Variants in ERICH1 observed in about 807,000 individuals in gnomAD.
ERICH1 encodes glutamate rich 1.
In ERICH1, 56 loss-of-function variants were observed where a neutral mutation model predicts 39.6. That is an observed-to-expected ratio of 1.41 (90% CI 1.14 to 1.77). ERICH1 has a LOEUF of 1.77. Among genes scored for constraint, ERICH1 ranks in the 40% most tolerant of loss-of-function variants. The pLI, the probability that ERICH1 is intolerant of heterozygous loss-of-function variation, is 0.00. For missense variants in ERICH1, 826 were observed against 575.4 expected (o/e 1.44, Z -4.45); for synonymous variants, 313 against 223.6 (o/e 1.40, Z -3.57).
chr8:728,227 C>G (rs1192783607), intron 1 of ERICH1, among the ~76,000 whole-genome samples: 1 of 152,224 alleles, frequency 6.6e-6, no homozygotes, highest in Non-Finnish European at 1.5e-5. Context: ...AGCCCAACAG[C>G]AAGACTCCGC....
chr8:649,736 G>A (rs921081408), intron 3 of ERICH1, among the ~76,000 whole-genome samples: 18 of 152,108 alleles, frequency 1.2e-4, no homozygotes, highest in African/African-American at 2.9e-4. Flanking sequence ...GCCCCTGGCT[G>A]AGCAGTGTGA....
intron 1 of ERICH1, among the ~76,000 whole-genome samples, chr8:716,850 T>C (rs1289272129): frequency 6.6e-6 from 1 of 151,998 alleles, no homozygotes; most frequent in Non-Finnish European, 1.5e-5. Flanking sequence ...GGGTGGCTTC[T>C]AGGCGAGGCA....
chr8:693,233 G>A (rs1809337974), intron 2 of ERICH1, among the ~76,000 whole-genome samples: 1 of 151,750 alleles, frequency 6.6e-6, no homozygotes, highest in South Asian at 2.1e-4. Flanking sequence ...GACACACAGA[G>A]AGATACACAA....
At chr8:666,626 C>A (rs1802284114) in intron 5 of ERICH1, 1 of 152,482 alleles carries the variant, frequency 6.6e-6, no homozygotes, top group African/African-American at 2.4e-5. Context: ...CATCTGTACT[C>A]ACTGTCCCTG....
Position 678,747 on chromosome 8 carries a change from G to A in ERICH1, c.305-4700C>T, listed in dbSNP as rs537454346. Among the ~76,000 whole-genome samples the A allele has an allele frequency of 1.1e-4, 16 of 152,308 alleles. No homozygotes were observed. The South Asian group carries it at 3.3e-3, about 32-fold the overall frequency. On this transcript the variant is annotated intron_variant, in intron 3 of 5. Coordinates refer to ENST00000262109, the MANE Select transcript of ERICH1 (RefSeq NM_207332.3). ...CGCTTGAACCTGGGAGGCGGAGCTT[G>A]CAGTGAGCCCAGATTGCACCACTGC...
chr8:727,419 A>G (rs1298603508), intron 1 of ERICH1, among the ~76,000 whole-genome samples: 1 of 152,158 alleles, frequency 6.6e-6, no homozygotes, highest in African/African-American at 2.4e-5. Context: ...AAACCAGAAG[A>G]TGACAGGGAG....
At chr8:653,372 T>G (rs991430221) in intron 3 of ERICH1, among the ~76,000 whole-genome samples, 4 of 152,254 alleles carry the variant, frequency 2.6e-5, no homozygotes, top group Non-Finnish European at 5.9e-5. Flanking sequence ...CCTGTAATAG[T>G]GGCCGAGTCT....
intron 3 of ERICH1, among the ~76,000 whole-genome samples, chr8:649,894 T>C (rs754494169): frequency 1.8e-4 from 27 of 151,998 alleles, no homozygotes; most frequent in Non-Finnish European, 3.7e-4. Flanking sequence ...TGGCCCCAGG[T>C]TGGGAGGAGA....
At chr8:685,997 A>C (rs1328549554) in intron 3 of ERICH1, among the ~76,000 whole-genome samples, 1 of 151,434 alleles carries the variant, frequency 6.6e-6, no homozygotes, top group Non-Finnish European at 1.5e-5. Context: ...AATACCAAAA[A>C]AAAAAAAAAA....
At chr8:635,142 T>C (rs1798326645) in intron 3 of ERICH1, among the ~76,000 whole-genome samples, 1 of 151,150 alleles carries the variant, frequency 6.6e-6, no homozygotes. Flanking sequence ...CGTGGCCGCA[T>C]CTGCCTCTCC....
intron 2 of ERICH1, among the ~76,000 whole-genome samples, chr8:695,142 A>G (rs13340625): frequency 0.64 from 97,393 of 151,816 alleles, 31,504 homozygotes; most frequent in East Asian, 0.88. Context: ...GGTTCCCCTC[A>G]GCTCCTCTGG....
intron 3 of ERICH1, among the ~76,000 whole-genome samples, chr8:639,187 TAA>T: frequency 6.6e-6 from 1 of 152,260 alleles, no homozygotes; most frequent in East Asian, 1.9e-4. Context: ...TCTACTCAGA[TAA>T]AGACACTTGG....
At chr8:718,787 C>A (rs149872813) in intron 1 of ERICH1, among the ~76,000 whole-genome samples, 140 of 152,356 alleles carry the variant, frequency 9.2e-4, no homozygotes, top group African/African-American at 3.2e-3. Context: ...CCCAAGGCCT[C>A]TGGGTCTTCA....
chr8:705,368 T>G (rs1813038695), intron 2 of ERICH1, among the ~76,000 whole-genome samples: 1 of 152,228 alleles, frequency 6.6e-6, no homozygotes, highest in African/African-American at 2.4e-5. Flanking sequence ...CGTTTTTTAT[T>G]GTGATTTCAT....
chr8:655,732 C>T (rs934594039), intron 3 of ERICH1, among the ~76,000 whole-genome samples: 2 of 151,128 alleles, frequency 1.3e-5, no homozygotes, highest in Non-Finnish European at 3.0e-5. Flanking sequence ...GCCCCACTTC[C>T]ATTCCACTCC....
At position 615,203 on chromosome 8, in the gene ERICH1, C is replaced by A. The variant is rs1429547895; in HGVS notation, c.*20G>T. ...CAGTTCCTCTTGACCTGGAATTGTCCAAGTCAGCACCACAGCTGGTTAAGG... is the reference window on the plus strand; with the variant it reads ...CAGTTCCTCTTGACCTGGAATTGTCAAAGTCAGCACCACAGCTGGTTAAGG... On this transcript the variant is annotated 3_prime_UTR_variant, in exon 4 of 4. Coordinates refer to the ERICH1 transcript ENST00000522706. 3 of 667,282 alleles carry A rather than the reference C, an allele frequency of 4.5e-6. No homozygotes were observed. The East Asian group carries it at 8.1e-5, about 18-fold the overall frequency. The allele number at this position is 667,282 out of a possible 1,614,324, so 41.3% of individuals were successfully genotyped here.
chr8:619,030 G>A (rs1013786624), intron 3 of ERICH1, among the ~76,000 whole-genome samples: 5 of 152,116 alleles, frequency 3.3e-5, no homozygotes, highest in Non-Finnish European at 7.3e-5. Flanking sequence ...GTAAATCTTA[G>A]TAACAACAGT....
At chr8:699,557 CG>C (rs1811201706) in intron 2 of ERICH1, among the ~76,000 whole-genome samples, 1 of 151,906 alleles carries the variant, frequency 6.6e-6, no homozygotes, top group African/African-American at 2.4e-5. Context: ...CAAAAGCAGG[CG>C]TTCCAGAGAA....
intron 2 of ERICH1, among the ~76,000 whole-genome samples, chr8:715,507 G>A (rs554887771): frequency 1.3e-5 from 2 of 152,266 alleles, no homozygotes; most frequent in Non-Finnish European, 2.9e-5. Context: ...ACGGGGCCAA[G>A]GGGGCCACCA....
Sources: allele counts gnomAD v4.1 joint callset (sites outside exome capture counted in the v4.1 genomes callset), GRCh38; gene constraint gnomAD v4.1.1; transcripts MANE v1.5; gene names NCBI Gene and HGNC (gene_info 2026-07-23, HGNC 2026-07-21).